The following CCDC7 variants were observed in gnomAD, a reference collection of about 807,000 sequenced individuals.
The protein encoded by CCDC7 is coiled-coil domain containing 7.
CCDC7 carries 183 observed loss-of-function variants against 196.9 expected under a neutral mutation model. The observed-to-expected ratio is 0.93, with a 90% CI of 0.82 to 1.05. The LOEUF (loss-of-function observed/expected upper bound fraction) is 1.05, where lower values mean the gene tolerates loss of function less well. Ranked by LOEUF, CCDC7 falls within the 50% of genes least tolerant of loss-of-function variation. CCDC7 has a pLI of 0.00. For missense variants in CCDC7, 1,540 were observed against 1,482.2 expected, an observed-to-expected ratio of 1.04 and a Z score of -0.64; for synonymous variants, 525 against 484.6, an observed-to-expected ratio of 1.08 and a Z score of -1.10.
At position 32,810,827 on chromosome 10, in the gene CCDC7, C is replaced by T. The variant is rs192768070; in HGVS notation, c.3098-3543C>T. Among the ~76,000 whole-genome samples, 296 of 152,082 alleles carry T rather than the reference C, an allele frequency of 1.9e-3. 1 individual carries two copies. Among genetic ancestry groups the T allele is most frequent in the Middle Eastern group, 6.8e-3 (2 of 294 alleles). On this transcript the variant is annotated intron_variant, in intron 30 of 41. Coordinates refer to ENST00000639629, the Ensembl canonical transcript of CCDC7. ...AATCATATCAAGTATTTTTTCAGAC[C>T]ATGACAGATTAAAACTAGAAATCAA... is the stretch of plus-strand genomic sequence containing the variant.
chr10:32,571,837 T>C, intron 15 of CCDC7, 22 bp from the exon 17 acceptor site: 1 of 1,529,116 alleles, frequency 6.5e-7, no homozygotes. Context: ...TATTTTTAAA[T>C]GTAGTATTAT....
At chr10:32,675,203 A>G (rs1482323546) in intron 21 of CCDC7, among the ~76,000 whole-genome samples, 2 of 151,590 alleles carry the variant, frequency 1.3e-5, no homozygotes, top group African/African-American at 4.8e-5. Context: ...TTGTGATTTG[A>G]TTACTTTTTA....
chr10:32,466,248 TTCTC>T (rs72202683), intron 5 of CCDC7, among the ~76,000 whole-genome samples: 1 of 129,634 alleles, frequency 7.7e-6, no homozygotes, highest in Non-Finnish European at 1.6e-5. Flanking sequence ...CAAGGAGTGT[TTCTC>T]TCTCTTTTTT....
At chr10:32,700,941 TAAG>T (rs1378794644) in intron 24 of CCDC7, among the ~76,000 whole-genome samples, 1 of 152,222 alleles carries the variant, frequency 6.6e-6, no homozygotes, top group African/African-American at 2.4e-5. Context: ...CTTATCAGCT[TAAG>T]GAGATTTTGG....
At chr10:32,878,009 T>G (rs1337053367), downstream of CCDC7, among the ~76,000 whole-genome samples, 1 of 152,024 alleles carries the variant, frequency 6.6e-6, no homozygotes, top group Non-Finnish European at 1.5e-5. Context: ...AGTTAATAGA[T>G]TCAAGCTATC....
intron 5 of CCDC7, among the ~76,000 whole-genome samples, chr10:32,466,045 A>G (rs998671819): frequency 6.6e-6 from 1 of 152,158 alleles, no homozygotes; most frequent in Non-Finnish European, 1.5e-5. Flanking sequence ...GTTGGTTACT[A>G]TCATATCCAT....
At chr10:32,633,920 T>G (rs1364532533) in intron 18 of CCDC7, among the ~76,000 whole-genome samples, 1 of 152,000 alleles carries the variant, frequency 6.6e-6, no homozygotes. Context: ...TGTATTACAT[T>G]TCATGAAATT....
At chr10:32,605,051 A>G (rs764953801) in intron 18 of CCDC7, among the ~76,000 whole-genome samples, 9 of 152,076 alleles carry the variant, frequency 5.9e-5, no homozygotes, top group Non-Finnish European at 1.3e-4. Flanking sequence ...CAGATCCCTC[A>G]TGGCTTGGTG....
At chr10:32,734,613 G>A (rs2084546481) in intron 28 of CCDC7, among the ~76,000 whole-genome samples, 1 of 152,118 alleles carries the variant, frequency 6.6e-6, no homozygotes, top group Non-Finnish European at 1.5e-5. Flanking sequence ...TAAATAAATA[G>A]GCTGGGCGCA....
At chr10:32,850,386 A>G (rs2093504430) in intron 39 of CCDC7, among the ~76,000 whole-genome samples, 1 of 152,176 alleles carries the variant, frequency 6.6e-6, no homozygotes, top group Non-Finnish European at 1.5e-5. Context: ...AGGAGTCTTC[A>G]AGTTCTAAGA....
Position 32,602,646 on chromosome 10 carries a change from C to A in CCDC7, c.1801+18342C>A, listed in dbSNP as rs11817917. Among the ~76,000 whole-genome samples, 579 of 152,170 alleles carry A rather than the reference C, an allele frequency of 3.8e-3. 4 individuals are homozygous for A. Among genetic ancestry groups the A allele is most frequent in the African/African-American group, 0.013 (556 of 41,500 alleles). The stretch of plus-strand genomic sequence containing the variant: ...TTTCTTTTCTTAGAATTCTGCTCTG[C>A]CACTCACTAATGATGTGACCTTGGG... On this transcript the variant is annotated intron_variant, in intron 18 of 41. Transcript: ENST00000639629.
intron 9 of CCDC7, among the ~76,000 whole-genome samples, chr10:32,503,910 A>T (rs550494381): frequency 1.5e-4 from 22 of 144,242 alleles, no homozygotes; most frequent in African/African-American, 6.4e-4. Flanking sequence ...TTAGAATGTA[A>T]TTTGTTTGTG....
At chr10:32,715,835 G>A (rs1010382156) in intron 25 of CCDC7, among the ~76,000 whole-genome samples, 23 of 152,166 alleles carry the variant, frequency 1.5e-4, no homozygotes, top group African/African-American at 5.6e-4. Context: ...AATAAAGCAT[G>A]AAGACAAGAT....
intron 39 of CCDC7, among the ~76,000 whole-genome samples, chr10:32,848,991 T>G (rs2093426397): frequency 6.6e-6 from 1 of 152,150 alleles, no homozygotes; most frequent in Non-Finnish European, 1.5e-5. Flanking sequence ...TGGATTTTTA[T>G]CATTAAATGA....
chr10:32,703,047 A>T (rs1427107197), intron 24 of CCDC7, among the ~76,000 whole-genome samples: 1 of 152,128 alleles, frequency 6.6e-6, no homozygotes, highest in Non-Finnish European at 1.5e-5. Context: ...TGTGAATTTG[A>T]TCCTGTCATT....
At chr10:32,671,728 C>T (rs1014891347) in intron 21 of CCDC7, among the ~76,000 whole-genome samples, 1 of 152,040 alleles carries the variant, frequency 6.6e-6, no homozygotes, top group Non-Finnish European at 1.5e-5. Context: ...ACTAGTTTAG[C>T]TGTTGAAAGA....
At chr10:32,697,561 C>G (rs891451201) in intron 24 of CCDC7, among the ~76,000 whole-genome samples, 1 of 152,158 alleles carries the variant, frequency 6.6e-6, no homozygotes, top group Non-Finnish European at 1.5e-5. Flanking sequence ...CCCATGGAGC[C>G]TTGCTCACTG....
intron 41 of CCDC7, among the ~76,000 whole-genome samples, chr10:32,861,409 A>G (rs919688299): frequency 6.6e-6 from 1 of 152,222 alleles, no homozygotes; most frequent in African/African-American, 2.4e-5. Context: ...TACACCTTAT[A>G]TAAAAATTAA....
At chr10:32,702,013 A>G (rs1161144579) in intron 24 of CCDC7, among the ~76,000 whole-genome samples, 2 of 151,474 alleles carry the variant, frequency 1.3e-5, no homozygotes, top group African/African-American at 2.4e-5. Flanking sequence ...TTGTGTCTCT[A>G]TTTCCTTCAG....
Sources: gnomAD v4.1 joint callset for allele counts (sites outside exome capture counted in the v4.1 genomes callset) on GRCh38, gnomAD v4.1.1 for gene constraint, MANE v1.5 for transcripts, NCBI Gene and HGNC (gene_info 2026-07-23, HGNC 2026-07-21) for gene names.